The following SLC7A14 variants were observed in gnomAD, a reference collection of about 807,000 sequenced individuals.
SLC7A14 encodes gamma-aminobutyric acid transporter SLC7A14.
A neutral mutation model predicts 60.2 loss-of-function variants in SLC7A14; 37 were observed. That is an observed-to-expected ratio of 0.61 (90% CI 0.47 to 0.81). The LOEUF (loss-of-function observed/expected upper bound fraction) is 0.81. Ranked by LOEUF, SLC7A14 falls within the 30% of genes least tolerant of loss-of-function variation. The pLI, the probability that SLC7A14 is intolerant of heterozygous loss-of-function variation, is 0.00. For missense variants in SLC7A14, 886 were observed against 982.7 expected (o/e 0.90, Z 1.32); for synonymous variants, 399 against 395.8 (o/e 1.01, Z -0.10).
intron 7 of SLC7A14, among the ~76,000 whole-genome samples, chr3:170,468,770 T>A (rs1739795183): frequency 6.6e-6 from 1 of 152,198 alleles, no homozygotes; most frequent in South Asian, 2.1e-4. Context: ...GCCTCTCTGT[T>A]CCTCAGCATT....
At chr3:170,495,982 A>G (rs1712380634) in intron 4 of SLC7A14, 4 of 1,169,474 alleles carry the variant, frequency 3.4e-6, no homozygotes, top group African/African-American at 1.5e-5. Context: ...GATGAGATCA[A>G]TAAGCGTACA....
intron 7 of SLC7A14, among the ~76,000 whole-genome samples, chr3:170,472,836 T>G (rs930194865): frequency 2.6e-5 from 4 of 152,172 alleles, no homozygotes; most frequent in African/African-American, 9.7e-5. Flanking sequence ...TGGCTTCTTT[T>G]CTAGACAGAA....
At chr3:170,539,990 A>G (rs1367489172) in intron 1 of SLC7A14, among the ~76,000 whole-genome samples, 2 of 152,218 alleles carry the variant, frequency 1.3e-5, no homozygotes, top group African/African-American at 4.8e-5. Flanking sequence ...TGACTTGAAT[A>G]CAAGCCCTGT....
chr3:170,570,888 C>G (rs1714933668), intron 1 of SLC7A14, among the ~76,000 whole-genome samples: 2 of 151,910 alleles, frequency 1.3e-5, no homozygotes, highest in African/African-American at 4.8e-5. Context: ...GTTTTGGTTA[C>G]ATGGATAAAT....
intron 4 of SLC7A14, among the ~76,000 whole-genome samples, chr3:170,489,072 C>A (rs150296183): frequency 6.6e-6 from 1 of 152,186 alleles, no homozygotes; most frequent in Non-Finnish European, 1.5e-5. Flanking sequence ...AGCAATACCC[C>A]ACAAGCACAG....
chr3:170,529,087 T>C (rs1262845316), intron 1 of SLC7A14, among the ~76,000 whole-genome samples: 2 of 152,192 alleles, frequency 1.3e-5, no homozygotes, highest in African/African-American at 4.8e-5. Flanking sequence ...AAGCTTGGCC[T>C]TTATTATTTC....
rs1247067088 is a variant in SLC7A14 at position 170,483,183 on chromosome 3, A to T, written c.1115+131T>A. ...TCTGTTACTCAGACTTTTCTTCAGG[A>T]TACATAACAAGGTCCACAGTCCATG... On this transcript the variant is annotated intron_variant, in intron 6 of 7. Coordinates refer to ENST00000231706, the MANE Select transcript of SLC7A14 (RefSeq NM_020949.3). The T allele has an allele frequency of 3.8e-6, 4 of 1,060,996 alleles. No individual in the cohort carries two copies. In the South Asian group the frequency reaches 4.5e-5, roughly 12 times the overall value. The allele number at this position is 1,060,996 out of a possible 1,614,324, so 65.7% of individuals were successfully genotyped here. A position where few individuals can be genotyped will look rare whatever the true frequency, so the allele number is the denominator to read the frequency against.
intron 7 of SLC7A14, among the ~76,000 whole-genome samples, chr3:170,473,444 A>G (rs887887460): frequency 5.3e-5 from 8 of 152,340 alleles, no homozygotes; most frequent in African/African-American, 1.7e-4. Flanking sequence ...CTTAGAACCG[A>G]GAGAGGTGGG....
At chr3:170,512,902 T>G (rs1320145924) in intron 2 of SLC7A14, among the ~76,000 whole-genome samples, 1 of 152,030 alleles carries the variant, frequency 6.6e-6, no homozygotes, top group Non-Finnish European at 1.5e-5. Flanking sequence ...AATTTGCATT[T>G]TATGGCGTGA....
intron 2 of SLC7A14, among the ~76,000 whole-genome samples, chr3:170,517,987 A>G (rs1281251838): frequency 2.6e-5 from 4 of 152,244 alleles, no homozygotes; most frequent in South Asian, 2.1e-4. Flanking sequence ...TCTGGCTACA[A>G]AGATCTCAGA....
At chr3:170,554,199 G>A (rs976529185) in intron 1 of SLC7A14, among the ~76,000 whole-genome samples, 1 of 152,182 alleles carries the variant, frequency 6.6e-6, no homozygotes, top group Non-Finnish European at 1.5e-5. Flanking sequence ...CTTCTTTTCT[G>A]TCCGGGAACC....
chr3:170,542,404 G>A (rs940323672), intron 1 of SLC7A14, among the ~76,000 whole-genome samples: 9 of 152,066 alleles, frequency 5.9e-5, no homozygotes, highest in Non-Finnish European at 1.0e-4. Flanking sequence ...AGCACCCACC[G>A]GCACCAGGCC....
intron 2 of SLC7A14, among the ~76,000 whole-genome samples, chr3:170,523,479 T>C (rs1426809946): frequency 1.3e-5 from 2 of 152,222 alleles, no homozygotes; most frequent in East Asian, 1.9e-4. Flanking sequence ...TCCCTTCTTA[T>C]TCAGCCTAGA....
intron 1 of SLC7A14, among the ~76,000 whole-genome samples, chr3:170,576,603 C>G (rs1020668370): frequency 6.6e-6 from 1 of 152,218 alleles, no homozygotes; most frequent in Non-Finnish European, 1.5e-5. Context: ...ATGAGCATGG[C>G]TGGATTTCAC....
At chr3:170,475,658 C>A (rs1025783777) in intron 7 of SLC7A14, among the ~76,000 whole-genome samples, 15 of 152,126 alleles carry the variant, frequency 9.9e-5, no homozygotes, top group Non-Finnish European at 4.4e-5. Flanking sequence ...CTTGTTAAAC[C>A]CTAAATTGCT....
intron 2 of SLC7A14, among the ~76,000 whole-genome samples, chr3:170,523,393 C>T (rs2108292007): frequency 6.6e-6 from 1 of 152,268 alleles, no homozygotes; most frequent in Admixed American, 6.5e-5. Flanking sequence ...GCAATGATAT[C>T]TTGACCTGAT....
chr3:170,560,380 A>C (rs1714613097), intron 1 of SLC7A14, among the ~76,000 whole-genome samples: 1 of 152,202 alleles, frequency 6.6e-6, no homozygotes, highest in Non-Finnish European at 1.5e-5. Context: ...ATGTATTTTA[A>C]AATTCCTACA....
rs150719278 is a variant in SLC7A14, at chr3:170,477,716, A to G, written c.1993+2573T>C. Among the ~76,000 whole-genome samples, 3 of 152,346 alleles carry G rather than the reference A, an allele frequency of 2.0e-5. No individual in the cohort carries two copies. The East Asian group carries it at 5.8e-4, about 29-fold the overall frequency. On this transcript the variant is annotated intron_variant, in intron 7 of 7. Transcript: ENST00000231706. ...TTGTGAAATCACCAGATTCATGTGT[A>G]TGTGTGGTTTTTCTAACCCAGGTGA... is the stretch of plus-strand genomic sequence containing the variant.
chr3:170,467,089 A>G lies in SLC7A14; in HGVS notation c.2282T>C (p.Ile761Thr), dbSNP rs778261436. 2.8e-5 allele frequency: 45 copies of G among 1,613,292 alleles called. No individual in the cohort carries two copies. The highest frequency in any genetic ancestry group is 6.7e-5 in the East Asian group (3 of 44,896). Residue 761 changes from isoleucine to threonine, a missense_variant, in exon 8 of 8, where the codon ATT becomes ACT. Physicochemically the swap from Ile to Thr is moderately conservative, Grantham distance 89. Transcript: ENST00000231706. ...SKHKQNSEAL[I>T]ANDELDYSPE ...AGAGTAATCTAACTCATCATTTGCA[A>G]TCAGGGCCTCTGAGTTCTGTTTGTG...
Sources: allele counts gnomAD v4.1 joint callset (sites outside exome capture counted in the v4.1 genomes callset), GRCh38; gene constraint gnomAD v4.1.1; transcripts MANE v1.5; gene names NCBI Gene and HGNC (gene_info 2026-07-23, HGNC 2026-07-21).